EML6: variants seen among roughly 807,000 people sequenced by gnomAD.
EML6 encodes the protein echinoderm microtubule-associated protein-like 6.
Under a neutral mutation model 240.1 loss-of-function variants are expected in EML6, and 154 were observed. The observed-to-expected ratio is 0.64, with a 90% CI of 0.56 to 0.73. The LOEUF (loss-of-function observed/expected upper bound fraction) is 0.73. Among genes scored for constraint, EML6 ranks in the 30% least tolerant of loss-of-function variants. EML6 has a pLI of 0.00. For synonymous variants in EML6, 1,148 were observed against 899.0 expected (o/e 1.28, Z -4.95); for missense variants, 2,964 against 2,474.6 (o/e 1.20, Z -4.20).
At chr2:54,790,221 G>C (rs938301269) in intron 2 of EML6, among the ~76,000 whole-genome samples, 1 of 152,164 alleles carries the variant, frequency 6.6e-6, no homozygotes, top group Non-Finnish European at 1.5e-5. Context: ...AAGCAAATTA[G>C]ATAACTTGCT....
chr2:54,822,810 C>G lies in EML6; in HGVS notation c.525+2348C>G, dbSNP rs1055045244. On this transcript the variant is annotated intron_variant, in intron 5 of 41. Transcript: ENST00000356458. Reference sequence around the variant, plus strand: ...TATACTTCATTGTAAAATTATTTTACAACAATATATATTCCAAAATAAGAA... The same window carrying G: ...TATACTTCATTGTAAAATTATTTTAGAACAATATATATTCCAAAATAAGAA... Among the ~76,000 whole-genome samples the G allele has an allele frequency of 5.3e-5, 8 of 151,762 alleles. No homozygotes were observed. In the South Asian group the frequency reaches 6.3e-4, roughly 12 times the overall value.
intron 7 of EML6, among the ~76,000 whole-genome samples, chr2:54,842,559 GT>G (rs1368198276): frequency 6.6e-6 from 1 of 152,200 alleles, no homozygotes; most frequent in African/African-American, 2.4e-5. Flanking sequence ...GTCCTCGAAC[GT>G]CTGATACTTT....
intron 7 of EML6, among the ~76,000 whole-genome samples, chr2:54,840,973 T>A (rs1669416208): frequency 6.6e-6 from 1 of 152,220 alleles, no homozygotes; most frequent in Admixed American, 6.5e-5. Context: ...GGGAGACAAC[T>A]AATTCAGCCC....
At chr2:54,837,378 T>A (rs923116057) in intron 7 of EML6, among the ~76,000 whole-genome samples, 4 of 152,194 alleles carry the variant, frequency 2.6e-5, no homozygotes, top group African/African-American at 9.7e-5. Context: ...CCTCATCGGT[T>A]CAGCACGTAT....
chr2:54,937,917 C>G (rs1018886575), intron 28 of EML6, among the ~76,000 whole-genome samples: 1 of 152,220 alleles, frequency 6.6e-6, no homozygotes, highest in African/African-American at 2.4e-5. Context: ...CTTGGCTCCC[C>G]TTGGATTTCC....
intron 24 of EML6, among the ~76,000 whole-genome samples, chr2:54,909,861 A>AT (rs1175399749): frequency 1.3e-5 from 2 of 151,744 alleles, no homozygotes; most frequent in African/African-American, 4.8e-5. Context: ...AAAAAAAAAA[A>AT]AAAAAAAAAA....
intron 25 of EML6, among the ~76,000 whole-genome samples, chr2:54,914,392 G>GT (rs759098205): frequency 6.6e-6 from 1 of 152,096 alleles, no homozygotes; most frequent in Non-Finnish European, 1.5e-5. Context: ...TTCCCTTCCG[G>GT]TTTTAGTGCC....
chr2:54,970,131 C>A lies in EML6; in HGVS notation c.*36C>A, dbSNP rs1479972380. 1 of 1,549,524 alleles carries A rather than the reference C, an allele frequency of 6.5e-7. No individual in the cohort carries two copies. Among genetic ancestry groups the A allele is most frequent in the East Asian group, 2.4e-5 (1 of 40,906 alleles). The stretch of plus-strand genomic sequence containing the variant: ...GCCTCTTATGTTATTGCTGCTGCTG[C>A]TACCAGCCAGCAACTGCAGAGGCCA... On this transcript the variant is annotated 3_prime_UTR_variant, in exon 42 of 42. Transcript: ENST00000356458.
chr2:54,916,715 A>G, intron 25 of EML6, 44 bp from the exon 26 acceptor site: 2 of 1,436,948 alleles, frequency 1.4e-6, no homozygotes, highest in East Asian at 2.5e-5. Context: ...AAATAAAACA[A>G]ACTAGGTTGT....
At chr2:54,835,988 C>T (rs144497162) in intron 7 of EML6, among the ~76,000 whole-genome samples, 2 of 152,282 alleles carry the variant, frequency 1.3e-5, no homozygotes, top group East Asian at 1.9e-4. Flanking sequence ...GTCCCGCGGG[C>T]GGCTCCATTA....
intron 17 of EML6, chr2:54,882,871 A>AAAAAAAAAAAGAAAG (rs962733331): frequency 2.3e-5 from 3 of 128,834 alleles, no homozygotes; most frequent in African/African-American, 8.8e-5. Flanking sequence ...AAAAAAAAAA[A>AAAAAAAAAAAGAAAG]AAAGAAAGCT....
intron 21 of EML6, 35 bp downstream of exon 21, chr2:54,895,435 A>T: frequency 6.5e-7 from 1 of 1,549,568 alleles, no homozygotes; most frequent in Non-Finnish European, 8.7e-7. Flanking sequence ...TGCAGTTCAC[A>T]TCAAGGCTGG....
rs983199612 is a variant in EML6, at chr2:54,894,634, G to C, written c.2743-281G>C. 5.3e-5 allele frequency among the ~76,000 whole-genome samples: 8 copies of C among 152,112 alleles called. No individual in the cohort carries two copies. In the East Asian group the frequency reaches 1.5e-3, roughly 29 times the overall value. ...ATTCTGGTTGGGAGACTGGGCACAAGCAGAGCCATCCTTGATCAGTGGGCC... is the reference window on the plus strand; with the variant it reads ...ATTCTGGTTGGGAGACTGGGCACAACCAGAGCCATCCTTGATCAGTGGGCC... On this transcript the variant is annotated intron_variant, in intron 19 of 41. Coordinates refer to ENST00000356458, the MANE Select transcript of EML6 (RefSeq NM_001039753.4).
chr2:54,774,366 G>GT lies in EML6; in HGVS notation c.198-38865dup, dbSNP rs1178355580. Reference sequence around the variant, plus strand: ...TGTTCCTACATTGATCAGTCATTAGGTACAGGCCATTATGGGAAGAAGGGT... The same window carrying GT: ...TGTTCCTACATTGATCAGTCATTAGGTTACAGGCCATTATGGGAAGAAGGGT... On this transcript the variant is annotated intron_variant, in intron 2 of 41. Coordinates refer to ENST00000356458, the MANE Select transcript of EML6 (RefSeq NM_001039753.4). This position sits in a 1 kb window ranked among gnomAD's most constrained non-coding sequence, Gnocchi z 4.1. Among the ~76,000 whole-genome samples the GT allele has an allele frequency of 6.6e-6, 1 of 152,178 alleles. No individual in the cohort carries two copies. Among genetic ancestry groups the GT allele is most frequent in the Non-Finnish European group, 1.5e-5 (1 of 68,034 alleles).
intron 16 of EML6, among the ~76,000 whole-genome samples, chr2:54,876,248 A>G (rs930732124): frequency 6.6e-6 from 1 of 152,224 alleles, no homozygotes. Flanking sequence ...AGAACTGGGA[A>G]AGAGTAAAAA....
At chr2:54,778,655 G>A (rs2033414) in intron 2 of EML6, among the ~76,000 whole-genome samples, 26,298 of 151,768 alleles carry the variant, frequency 0.17, 2,922 homozygotes, top group African/African-American at 0.31. Flanking sequence ...TTGGGAGGCC[G>A]AGACGGGCAG....
In EML6 at chr2:54,741,218, C is replaced by A. The variant is rs1194907512; in HGVS notation, c.197+15960C>A. Among the ~76,000 whole-genome samples the A allele has an allele frequency of 2.6e-5, 4 of 152,130 alleles. No homozygotes were observed. The East Asian group carries it at 7.7e-4, about 29-fold the overall frequency. On this transcript the variant is annotated intron_variant, in intron 2 of 41. Transcript: ENST00000356458. ...TACTGCTTCTGCCCTGGTCCACATCCCTGGTTTTGTGTGGATGGTTACAAT... is the reference window on the plus strand; with the variant it reads ...TACTGCTTCTGCCCTGGTCCACATCACTGGTTTTGTGTGGATGGTTACAAT...
chr2:54,727,077 G>A (rs1682939844), intron 2 of EML6, among the ~76,000 whole-genome samples: 1 of 152,222 alleles, frequency 6.6e-6, no homozygotes, highest in Non-Finnish European at 1.5e-5. Flanking sequence ...CTAGTGGGAT[G>A]TGATGAAATC....
chr2:54,814,242 G>T (rs1459848264), intron 3 of EML6, among the ~76,000 whole-genome samples: 1 of 151,992 alleles, frequency 6.6e-6, no homozygotes, highest in African/African-American at 2.4e-5. Flanking sequence ...TGTACCTCTG[G>T]GCCCTGCCTC....
Sources: allele counts gnomAD v4.1 joint callset (sites outside exome capture counted in the v4.1 genomes callset), GRCh38; gene constraint gnomAD v4.1.1; non-coding constraint Gnocchi (gnomAD v3.1); transcripts MANE v1.5; gene names NCBI Gene and HGNC (gene_info 2026-07-23, HGNC 2026-07-21).